STPG4: variants seen among roughly 807,000 people sequenced by gnomAD.
STPG4 encodes protein STPG4.
In STPG4, 41 loss-of-function variants were observed where a neutral mutation model predicts 31.5. The observed-to-expected ratio is 1.30, with a 90% CI of 1.01 to 1.69. The LOEUF (loss-of-function observed/expected upper bound fraction) is 1.69, where lower values mean the gene tolerates loss of function less well. STPG4 is among the 40% of genes most tolerant of loss of function. STPG4 has a pLI of 0.00. For synonymous variants in STPG4, 141 were observed against 103.0 expected (o/e 1.37, Z -2.24); for missense variants, 375 against 293.4 (o/e 1.28, Z -2.03).
intron 3 of STPG4, among the ~76,000 whole-genome samples, chr2:47,145,448 C>T (rs1353974495): frequency 1.3e-5 from 2 of 152,300 alleles, no homozygotes; most frequent in South Asian, 4.1e-4. Flanking sequence ...AATTCCAGCC[C>T]AAATTCACAA....
chr2:47,126,649 T>A (rs1406791857), intron 5 of STPG4, among the ~76,000 whole-genome samples: 1 of 152,192 alleles, frequency 6.6e-6, no homozygotes, highest in Non-Finnish European at 1.5e-5. Flanking sequence ...TTGTTGCTCA[T>A]TAATGTCCTT....
chr2:47,130,960 G>A (rs531196708), intron 3 of STPG4, among the ~76,000 whole-genome samples: 3 of 151,984 alleles, frequency 2.0e-5, no homozygotes, highest in African/African-American at 4.8e-5. Flanking sequence ...GACTTCAGGT[G>A]TGTGCCACTG....
At chr2:47,136,964 C>T (rs1185848745) in intron 3 of STPG4, among the ~76,000 whole-genome samples, 1 of 152,162 alleles carries the variant, frequency 6.6e-6, no homozygotes, top group Non-Finnish European at 1.5e-5. Context: ...CCTTCCCAAT[C>T]AGTATACCTT....
chr2:47,151,478 A>G lies in STPG4; in HGVS notation c.179T>C (p.Phe60Ser), dbSNP rs2103808567. 6.2e-7 allele frequency: 1 copy of G among 1,614,070 alleles called. No individual in the cohort carries two copies. The highest frequency in any genetic ancestry group is 1.7e-4 in the Middle Eastern group (1 of 6,060). The change falls in exon 3 of 7, where the codon TTT becomes TCT. Residue 60 changes from phenylalanine (F) to serine (S), a missense_variant. Phe to Ser is a radical substitution (Grantham distance 155). Coordinates refer to ENST00000445927, the MANE Select transcript of STPG4 (RefSeq NM_001163561.2). Reference sequence around the variant, plus strand: ...TGGATTTAATAGGGATTCTTCAATAAAAGTTTTCAAGTGGTAAGTGCCAGG... The same window carrying G: ...TGGATTTAATAGGGATTCTTCAATAGAAGTTTTCAAGTGGTAAGTGCCAGG... ...PIPGTYHLKT[F>S]IEESLLNPVI...
intron 2 of STPG4, among the ~76,000 whole-genome samples, chr2:47,152,390 T>C (rs4953471): frequency 0.14 from 20,904 of 152,248 alleles, 1,885 homozygotes; most frequent in African/African-American, 0.25. Context: ...ATCTTTCCAC[T>C]GAGCACTCAG....
At position 47,155,191 on chromosome 2, in the gene STPG4, C is replaced by A. The variant is rs1194210491; in HGVS notation, c.61G>T (p.Glu21Ter). 3 of 1,614,046 alleles carry A rather than the reference C, an allele frequency of 1.9e-6. No individual in the cohort carries two copies. The highest frequency in any genetic ancestry group is 2.5e-6 in the Non-Finnish European group (3 of 1,180,032). ...CTTACCGAAGCTGTGATGAATGATT[C>A]TCCACCCACCAGGTCTTCCCTTATT... Reference protein sequence around the residue: ...TSIREDLVGGESFITASKPAQ... With the variant: ...TSIREDLVGG The change falls in exon 1 of 7, where the codon GAA becomes TAA. Residue 21 changes from glutamate to a stop codon, truncating the protein, a stop_gained. Coordinates refer to ENST00000445927, the MANE Select transcript of STPG4 (RefSeq NM_001163561.2). LOFTEE classifies it high-confidence loss of function.
chr2:47,152,100 A>G (rs1360218988), intron 2 of STPG4, among the ~76,000 whole-genome samples: 1 of 152,116 alleles, frequency 6.6e-6, no homozygotes, highest in East Asian at 1.9e-4. Context: ...CGGTGATTCA[A>G]CTTTGGGATT....
chr2:47,124,839 C>G (rs555009740), intron 5 of STPG4, among the ~76,000 whole-genome samples: 110 of 152,268 alleles, frequency 7.2e-4, no homozygotes, highest in African/African-American at 2.6e-3. Context: ...TCTTGAGGAA[C>G]CTTTGTACTG....
chr2:47,110,178 A>C (rs1686007595), intron 5 of STPG4, among the ~76,000 whole-genome samples: 1 of 152,246 alleles, frequency 6.6e-6, no homozygotes, highest in Admixed American at 6.5e-5. Flanking sequence ...ACATCATACG[A>C]ATGACTGAGT....
At chr2:47,108,054 T>C (rs993888912) in intron 5 of STPG4, among the ~76,000 whole-genome samples, 3 of 151,876 alleles carry the variant, frequency 2.0e-5, no homozygotes, top group Non-Finnish European at 4.4e-5. Flanking sequence ...CCACACTCTG[T>C]ATCTAGCTAC....
intron 5 of STPG4, among the ~76,000 whole-genome samples, chr2:47,093,955 G>A (rs549500434): frequency 2.0e-5 from 3 of 152,322 alleles, no homozygotes; most frequent in Admixed American, 6.5e-5. Context: ...ATCCGAGGAC[G>A]GCTTGAGTGG....
chr2:47,118,359 TC>T (rs946202209), intron 5 of STPG4, among the ~76,000 whole-genome samples: 1 of 152,064 alleles, frequency 6.6e-6, no homozygotes, highest in Non-Finnish European at 1.5e-5. Flanking sequence ...TGTCACTGTC[TC>T]CCATCACCCC....
chr2:47,151,926 T>G (rs926633218), intron 2 of STPG4, among the ~76,000 whole-genome samples: 19 of 151,710 alleles, frequency 1.3e-4, no homozygotes, highest in African/African-American at 4.1e-4. Context: ...TTTGTTTTTT[T>G]TTTTTTTTTT....
chr2:47,087,062 T>C lies in STPG4; in HGVS notation c.693A>G (p.Lys231=), dbSNP rs1282949105. 6.4e-6 allele frequency: 10 copies of C among 1,551,680 alleles called. No homozygotes were observed. The East Asian group carries it at 2.2e-4, about 34-fold the overall frequency. ...QFPKQSPTIA[K]MGQEHSLFFN... ...AGAAAAGGCTATGCTCTTGGCCCAT[T>C]TTGGCTATGGTCGGAGACTGCTTAG... Residue 231 remains lysine (K), a synonymous_variant, in exon 7 of 7, where the codon AAA becomes AAG. Transcript: ENST00000445927.
At chr2:47,088,386 G>A (rs551665005) in intron 6 of STPG4, among the ~76,000 whole-genome samples, 43 of 152,314 alleles carry the variant, frequency 2.8e-4, no homozygotes, top group Middle Eastern at 3.4e-3. Flanking sequence ...CTTGAAGTCC[G>A]AAGGCATTTG....
At chr2:47,143,608 C>T (rs1686760625) in intron 3 of STPG4, among the ~76,000 whole-genome samples, 1 of 152,012 alleles carries the variant, frequency 6.6e-6, no homozygotes, top group South Asian at 2.1e-4. Context: ...GCCTCAGCCT[C>T]CCGAATAGCT....
intron 5 of STPG4, among the ~76,000 whole-genome samples, chr2:47,121,529 G>C (rs1214459849): frequency 6.6e-6 from 1 of 152,106 alleles, no homozygotes; most frequent in Non-Finnish European, 1.5e-5. Flanking sequence ...GAAAAGCCAG[G>C]TCCTTATCCC....
chr2:47,130,582 T>C (rs897077832), intron 3 of STPG4, among the ~76,000 whole-genome samples: 1 of 151,812 alleles, frequency 6.6e-6, no homozygotes, highest in African/African-American at 2.4e-5. Context: ...GTGGCGTGAT[T>C]TCCGCTCGCT....
intron 5 of STPG4, among the ~76,000 whole-genome samples, chr2:47,101,095 C>T (rs1350606706): frequency 1.3e-5 from 2 of 151,780 alleles, no homozygotes; most frequent in African/African-American, 2.4e-5. Flanking sequence ...TGAGTACCAT[C>T]GGACCCCTTT....
Sources: gnomAD v4.1 joint callset for allele counts (sites outside exome capture counted in the v4.1 genomes callset) on GRCh38, gnomAD v4.1.1 for gene constraint, MANE v1.5 for transcripts, NCBI Gene and HGNC (gene_info 2026-07-23, HGNC 2026-07-21) for gene names.